Variants in RNF217 observed in about 807,000 individuals in gnomAD.
RNF217 encodes the protein ring finger protein 217, also known as E3 ubiquitin-protein ligase RNF217.
A neutral mutation model predicts 57.8 loss-of-function variants in RNF217; 31 were observed. The observed-to-expected ratio is 0.54, with a 90% CI of 0.40 to 0.72. RNF217 has a LOEUF of 0.72. RNF217 is among the 30% of genes least tolerant of loss of function. RNF217 has a pLI of 0.00. For synonymous variants in RNF217, 313 were observed against 294.0 expected (o/e 1.06, Z -0.66); for missense variants, 696 against 708.3 (o/e 0.98, Z 0.20).
intron 1 of RNF217, among the ~76,000 whole-genome samples, chr6:124,972,688 T>G (rs1783806970): frequency 6.6e-6 from 1 of 152,146 alleles, no homozygotes; most frequent in Non-Finnish European, 1.5e-5. Flanking sequence ...AGGGGAATCC[T>G]CTTTCTTTCC....
At chr6:124,994,077 G>A (rs1562457928) in intron 1 of RNF217, among the ~76,000 whole-genome samples, 1 of 151,928 alleles carries the variant, frequency 6.6e-6, no homozygotes, top group Admixed American at 6.6e-5. Context: ...ATGGAAGGAA[G>A]AGGAAAAAGC....
chr6:125,065,565 G>A (rs1787905990), intron 3 of RNF217, among the ~76,000 whole-genome samples: 1 of 152,124 alleles, frequency 6.6e-6, no homozygotes, highest in Non-Finnish European at 1.5e-5. Context: ...GAGAGCACCT[G>A]TTGAGAGCTG....
intron 3 of RNF217, among the ~76,000 whole-genome samples, chr6:125,070,549 A>G (rs2093522): frequency 0.061 from 9,276 of 152,204 alleles, 920 homozygotes; most frequent in African/African-American, 0.21. Context: ...TTGTAGGAGT[A>G]AGGTGGTATC....
intron 3 of RNF217, among the ~76,000 whole-genome samples, chr6:125,062,085 A>T (rs941475620): frequency 1.3e-5 from 2 of 152,016 alleles, no homozygotes; most frequent in African/African-American, 4.8e-5. Flanking sequence ...CTTGCTGCTG[A>T]TTTTTAAAGA....
chr6:124,968,361 GT>G (rs1245411443), intron 1 of RNF217, among the ~76,000 whole-genome samples: 4 of 152,246 alleles, frequency 2.6e-5, no homozygotes, highest in African/African-American at 9.6e-5. Context: ...GTGCGTGTGT[GT>G]CTGGGGGTGC....
chr6:125,002,091 A>G (rs1018294409), intron 1 of RNF217, among the ~76,000 whole-genome samples: 7 of 152,134 alleles, frequency 4.6e-5, no homozygotes, highest in African/African-American at 1.4e-4. Flanking sequence ...TTATTTTGGT[A>G]TTGTTAGAGA....
At chr6:125,066,022 C>A (rs1787924736) in intron 3 of RNF217, among the ~76,000 whole-genome samples, 1 of 152,164 alleles carries the variant, frequency 6.6e-6, no homozygotes, top group Admixed American at 6.5e-5. Flanking sequence ...AGGCCAAGAA[C>A]TTTAGGTTAT....
At chr6:125,005,268 G>A (rs1785135930) in intron 1 of RNF217, among the ~76,000 whole-genome samples, 1 of 152,118 alleles carries the variant, frequency 6.6e-6, no homozygotes, top group Admixed American at 6.5e-5. Context: ...CTCAAACTTG[G>A]CGTCTCAGGT....
chr6:125,040,282 TAGAAACTACCATC>T (rs1367001359), intron 1 of RNF217, among the ~76,000 whole-genome samples: 1 of 152,010 alleles, frequency 6.6e-6, no homozygotes, highest in African/African-American at 2.4e-5. Flanking sequence ...CCCACAGCAA[TAGAAACTACCATC>T]AGAGAATACT....
chr6:125,035,991 G>C (rs1211641991), intron 1 of RNF217, among the ~76,000 whole-genome samples: 1 of 151,836 alleles, frequency 6.6e-6, no homozygotes, highest in Non-Finnish European at 1.5e-5. Context: ...CATGTGCCAT[G>C]GTGGTTTGCT....
In RNF217 at chr6:125,014,627, C is replaced by T. The variant is rs74408364; in HGVS notation, c.883-30584C>T. Among the ~76,000 whole-genome samples, 71 of 152,234 alleles carry T rather than the reference C, an allele frequency of 4.7e-4. 1 individual carries two copies. The East Asian group carries it at 0.012, about 26-fold the overall frequency. On this transcript the variant is annotated intron_variant, in intron 1 of 5. Transcript: ENST00000521654. ...TCTTTTAGCCAATTATGGTCAGAAG[C>T]AGTTCAAAATCACACACACTAAAAC...
At chr6:125,014,129 T>A (rs572638957) in intron 1 of RNF217, among the ~76,000 whole-genome samples, 1 of 152,334 alleles carries the variant, frequency 6.6e-6, no homozygotes, top group South Asian at 2.1e-4. Context: ...GGTAGCACCA[T>A]TTACATTGTT....
At chr6:125,030,402 A>C (rs530918977) in intron 1 of RNF217, among the ~76,000 whole-genome samples, 2 of 152,300 alleles carry the variant, frequency 1.3e-5, no homozygotes, top group African/African-American at 4.8e-5. Flanking sequence ...CCCATCTGAG[A>C]CAAGGCAACT....
intron 3 of RNF217, among the ~76,000 whole-genome samples, chr6:125,074,636 T>C (rs1223466439): frequency 2.0e-5 from 3 of 152,156 alleles, no homozygotes; most frequent in Non-Finnish European, 4.4e-5. Flanking sequence ...ACCTTTTCAT[T>C]TCTCCTTTCA....
At position 124,965,432 on chromosome 6, in the gene RNF217, G is replaced by T. The variant is rs1783500828; in HGVS notation, c.882+2006G>T. ...CTACTAAAAATACAAAATTAGCTGG[G>T]CATGGTGGCGCATGCCTGTAATCCC... On this transcript the variant is annotated intron_variant, in intron 1 of 5. Coordinates refer to ENST00000521654, the MANE Select transcript of RNF217 (RefSeq NM_001286398.3). Among the ~76,000 whole-genome samples the T allele has an allele frequency of 3.3e-5, 5 of 152,184 alleles. No homozygotes were observed. The South Asian group carries it at 1.0e-3, about 32-fold the overall frequency.
chr6:125,074,378 G>A (rs949200425), intron 3 of RNF217, among the ~76,000 whole-genome samples: 1 of 151,970 alleles, frequency 6.6e-6, no homozygotes, highest in African/African-American at 2.4e-5. Context: ...GGAGAGAGAG[G>A]TGTTATCTTT....
chr6:124,982,649 CT>C (rs1784222269), intron 1 of RNF217, among the ~76,000 whole-genome samples: 1 of 151,976 alleles, frequency 6.6e-6, no homozygotes, highest in African/African-American at 2.4e-5. Context: ...ACATATGAGT[CT>C]ATGCTAGATC....
intron 3 of RNF217, among the ~76,000 whole-genome samples, chr6:125,076,004 T>C (rs1399773293): frequency 6.6e-6 from 1 of 152,116 alleles, no homozygotes; most frequent in African/African-American, 2.4e-5. Context: ...AATGAAATCC[T>C]TGTTACATGA....
chr6:124,968,674 C>T (rs920939879), intron 1 of RNF217, among the ~76,000 whole-genome samples: 6 of 152,170 alleles, frequency 3.9e-5, no homozygotes, highest in African/African-American at 1.4e-4. Context: ...AATAACATTA[C>T]AAGTACTGCT....
Sources: gnomAD v4.1 joint callset for allele counts (sites outside exome capture counted in the v4.1 genomes callset) on GRCh38, gnomAD v4.1.1 for gene constraint, MANE v1.5 for transcripts, NCBI Gene and HGNC (gene_info 2026-07-23, HGNC 2026-07-21) for gene names.